Variants in TUBA3E observed in about 807,000 individuals in gnomAD.
TUBA3E encodes tubulin alpha-3E chain.
Under a neutral mutation model 36.7 loss-of-function variants are expected in TUBA3E, and 21 were observed. The ratio of observed to expected loss-of-function variants is 0.57; its 90% CI spans 0.41 to 0.83. The LOEUF (loss-of-function observed/expected upper bound fraction) is 0.83, where lower values mean the gene tolerates loss of function less well. Ranked by LOEUF, TUBA3E falls within the 40% of genes least tolerant of loss-of-function variation. The pLI is 0.00. For synonymous variants in TUBA3E, 177 were observed against 241.9 expected, an observed-to-expected ratio of 0.73 and a Z score of 2.49; for missense variants, 469 against 604.2, an observed-to-expected ratio of 0.78 and a Z score of 2.35.
In TUBA3E at chr2:130,195,320, G is replaced by T. The variant is rs1690378418; in HGVS notation, c.227-93C>A. ...GAGTGTTCACTTCTACAGAGCACAT[G>T]CTGTTCAAAGTACATGACCTACATG... is the stretch of plus-strand genomic sequence containing the variant. On this transcript the variant is annotated intron_variant, in intron 2 of 4. Transcript: ENST00000312988. 4.6e-6 allele frequency: 7 copies of T among 1,517,950 alleles called. No homozygotes were observed. In the South Asian group the frequency reaches 9.0e-5, roughly 20 times the overall value. 94.0% of individuals were successfully genotyped at this position (1,517,950 alleles called of 1,614,324 possible).
chr2:130,193,856 T>C lies in TUBA3E; in HGVS notation c.986A>G (p.Asn329Ser), dbSNP rs1294286377. 20 of 1,614,052 alleles carry C rather than the reference T, an allele frequency of 1.2e-5. No individual in the cohort carries two copies. The highest frequency in any genetic ancestry group is 8.9e-5 in the East Asian group (4 of 44,878). ...GGTCTTGATGGTGGCGATGGCCGCA[T>C]TGACGTCTTTGGGGACCACGTCCCC... is the stretch of plus-strand genomic sequence containing the variant. ...YRGDVVPKDV[N>S]AAIATIKTKR... The change falls in exon 4 of 5, where the codon AAT becomes AGT. Residue 329 changes from asparagine (N) to serine (S), a missense_variant. Physicochemically the swap from Asn to Ser is conservative, Grantham distance 46. Around this residue, in one of 3 missense-constraint regions of TUBA3E, gnomAD observed 296 missense variants for 346.9 expected, o/e 0.85. Coordinates refer to ENST00000312988, the MANE Select transcript of TUBA3E (RefSeq NM_207312.3).
rs1007243911 is a variant in TUBA3E at position 130,194,519 on chromosome 2, C to T, written c.376-53G>A. On this transcript the variant is annotated intron_variant, in intron 3 of 4. Transcript: ENST00000312988. ...ATGCCCGTGGAAGCCACACCACCAACCTCCAACAAGCCAGGGCCGCTTCTC... is the reference window on the plus strand; with the variant it reads ...ATGCCCGTGGAAGCCACACCACCAATCTCCAACAAGCCAGGGCCGCTTCTC... The T allele has an allele frequency of 1.5e-5, 22 of 1,501,776 alleles. 1 individual carries two copies. The Admixed American group carries it at 4.3e-4, about 29-fold the overall frequency. 93.0% of individuals were successfully genotyped at this position (1,501,776 alleles called of 1,614,324 possible).
intron 2 of TUBA3E, 64 bp from the exon 3 acceptor site, chr2:130,195,291 C>G: frequency 6.3e-7 from 1 of 1,576,212 alleles, no homozygotes; most frequent in Non-Finnish European, 8.6e-7. Context: ...TGGACACATT[C>G]CAGGAGTGTT....
At chr2:130,193,746 C>T in intron 4 of TUBA3E, 40 bp downstream of exon 4, 1 of 1,568,480 alleles carries the variant, frequency 6.4e-7, no homozygotes, top group Non-Finnish European at 8.7e-7. Context: ...TTTTGTGCAT[C>T]TGCTGCTTGC....
At chr2:130,197,492 C>CAAAAAAAAAAAAAAAAA (rs1202771961) in intron 1 of TUBA3E, among the ~76,000 whole-genome samples, 1 of 44,410 alleles carries the variant, frequency 2.3e-5, no homozygotes. Flanking sequence ...AGTGCTGTCT[C>CAAAAAAAAAAAAAAAAA]AAAAAAAAAA....
At chr2:130,194,937 C>T (rs1690367104) in intron 3 of TUBA3E, 142 bp downstream of exon 3, 7 of 1,480,870 alleles carry the variant, frequency 4.7e-6, no homozygotes, top group African/African-American at 1.4e-5. Flanking sequence ...TTTAGCCTCT[C>T]AAAGTGCTGG....
At position 130,194,168 on chromosome 2, in the gene TUBA3E, G is replaced by T; in HGVS notation, c.674C>A (p.Thr225Asn). The change falls in exon 4 of 5, where the codon ACC (threonine) becomes AAC (asparagine). Residue 225 changes from threonine (T) to asparagine (N), a missense_variant. Around this residue, in one of 3 missense-constraint regions of TUBA3E, gnomAD observed 296 missense variants for 346.9 expected, o/e 0.85. Coordinates refer to ENST00000312988, the MANE Select transcript of TUBA3E (RefSeq NM_207312.3). ...CTGCCCAATCAGGCGATTGAGGTTG[G>T]TGTACGTGGGACGTTCAATGTCCAG... ...RNLDIERPTY[T>N]NLNRLIGQIV... 2 of 1,613,822 alleles carry T rather than the reference G, an allele frequency of 1.2e-6. No individual in the cohort carries two copies. Among genetic ancestry groups the T allele is most frequent in the South Asian group, 2.2e-5 (2 of 91,048 alleles).
At chr2:130,198,149 G>A (rs1218873173) in intron 1 of TUBA3E, among the ~76,000 whole-genome samples, 1 of 122,754 alleles carries the variant, frequency 8.1e-6, no homozygotes, top group African/African-American at 2.9e-5. Flanking sequence ...ACTAAAGGCC[G>A]GCAGCTTCAT....
At position 130,192,103 on chromosome 2, in the gene TUBA3E, TG is replaced by T. The variant is rs1235817067; in HGVS notation, c.1080del (p.Thr361GlnfsTer18). ...GFKVGINYQP[P>X]TVVPGGDLAK... ...GCCAGGTCTCCCCCGGGGACCACTG[TG>T]GGGGGCTGGTAGTTAATGCCCACCT... On this transcript the variant is annotated frameshift_variant, in exon 5 of 5. Transcript: ENST00000312988. LOFTEE classifies it high-confidence loss of function. 1 of 1,601,308 alleles carries T rather than the reference TG, an allele frequency of 6.2e-7. No homozygotes were observed. Among genetic ancestry groups the T allele is most frequent in the Non-Finnish European group, 8.5e-7 (1 of 1,173,088 alleles).
chr2:130,197,564 G>C (rs1383662356), intron 1 of TUBA3E, among the ~76,000 whole-genome samples: 5 of 126,076 alleles, frequency 4.0e-5, no homozygotes, highest in African/African-American at 1.4e-4. Flanking sequence ...ACAAATCACA[G>C]CTATTCAGAC....
chr2:130,193,058 A>G (rs1288770227), intron 4 of TUBA3E, among the ~76,000 whole-genome samples: 1 of 150,638 alleles, frequency 6.6e-6, no homozygotes, highest in East Asian at 2.0e-4. Flanking sequence ...GTGCCACTGC[A>G]TTCCAACCTG....
intron 3 of TUBA3E, 35 bp downstream of exon 3, chr2:130,195,044 C>A (rs112151923): frequency 6.2e-7 from 1 of 1,609,540 alleles, no homozygotes; most frequent in African/African-American, 1.3e-5. Flanking sequence ...CCCTCCCATG[C>A]AAGACAATGG....
chr2:130,193,837 G>A lies in TUBA3E; in HGVS notation c.1005C>T (p.Ile335=), dbSNP rs201715610. Residue 335 remains isoleucine, a synonymous_variant, in exon 4 of 5, where the codon ATC becomes ATT. Transcript: ENST00000312988. ...PKDVNAAIAT[I]KTKRTIQFVD... The stretch of plus-strand genomic sequence containing the variant: ...CAAACTGGATAGTGCGCTTGGTCTT[G>A]ATGGTGGCGATGGCCGCATTGACGT... The A allele has an allele frequency of 1.2e-6, 2 of 1,614,098 alleles. No individual in the cohort carries two copies. Among genetic ancestry groups the A allele is most frequent in the African/African-American group, 2.7e-5 (2 of 75,058 alleles).
chr2:130,194,805 G>A (rs1690363859), intron 3 of TUBA3E, among the ~76,000 whole-genome samples: 1 of 152,138 alleles, frequency 6.6e-6, no homozygotes, highest in African/African-American at 2.4e-5. Context: ...AGCCTCTCAA[G>A]TAGCTGGCAG....
At position 130,193,879 on chromosome 2, in the gene TUBA3E, C is replaced by A. The variant is rs1573770130; in HGVS notation, c.963G>T (p.Gly321=). 6.2e-7 allele frequency: 1 copy of A among 1,614,198 alleles called. No homozygotes were observed. The highest frequency in any genetic ancestry group is 8.5e-7 in the Non-Finnish European group (1 of 1,180,038). ...KYMACCMLYR[G]DVVPKDVNAA... is the part of the protein sequence containing the mutation. ...CATTGACGTCTTTGGGGACCACGTC[C>A]CCCCTGTACAACATGCAGCAGGCCA... Residue 321 remains glycine (G), a synonymous_variant, in exon 4 of 5, where the codon GGG becomes GGT. Transcript: ENST00000312988.
chr2:130,195,894 G>A (rs1451432581), intron 2 of TUBA3E, among the ~76,000 whole-genome samples: 6 of 152,264 alleles, frequency 3.9e-5, no homozygotes, highest in Admixed American at 2.0e-4. Flanking sequence ...AGGCAGCCAT[G>A]AGGGAATCTC....
At chr2:130,193,704 C>A (rs557258035) in intron 4 of TUBA3E, 82 bp downstream of exon 4, 41 of 1,531,954 alleles carry the variant, frequency 2.7e-5, no homozygotes, top group Non-Finnish European at 1.9e-5. Flanking sequence ...GATAGTCTCC[C>A]CAAAGGATGT....
intron 3 of TUBA3E, 142 bp downstream of exon 3, chr2:130,194,937 C>G: frequency 1.4e-6 from 2 of 1,480,990 alleles, no homozygotes; most frequent in Middle Eastern, 1.9e-4. Context: ...TTTAGCCTCT[C>G]AAAGTGCTGG....
intron 3 of TUBA3E, among the ~76,000 whole-genome samples, 170 bp from the exon 4 acceptor site, chr2:130,194,636 A>G (rs1288097801): frequency 6.6e-6 from 1 of 152,194 alleles, no homozygotes; most frequent in South Asian, 2.1e-4. Flanking sequence ...CTACGGACAA[A>G]TCACCATTGC....
Sources: gnomAD v4.1 joint callset for allele counts (sites outside exome capture counted in the v4.1 genomes callset) on GRCh38, gnomAD v4.1.1 for gene constraint, gnomAD v4.1.1 regional missense constraint, MANE v1.5 for transcripts, NCBI Gene and HGNC (gene_info 2026-07-23, HGNC 2026-07-21) for gene names.